The following TRRAP variants were observed in gnomAD, a reference collection of about 807,000 sequenced individuals.
TRRAP encodes transformation/transcription domain-associated protein.
TRRAP carries 41 observed loss-of-function variants against 438.8 expected under a neutral mutation model. That is an observed-to-expected ratio of 0.09 (90% CI 0.07 to 0.12). The LOEUF (loss-of-function observed/expected upper bound fraction) is 0.12, where lower values mean the gene tolerates loss of function less well. TRRAP is among the 10% of genes least tolerant of loss of function. TRRAP has a pLI of 1.00. For missense variants in TRRAP, 3,122 were observed against 5,055.1 expected (o/e 0.62, Z 11.60); for synonymous variants, 1,994 against 1,962.9 (o/e 1.02, Z -0.42).
rs758904403 is a variant in TRRAP at position 98,981,825 on chromosome 7, C to T, written c.8691C>T (p.Tyr2897=). ...MAWKVNMYRG[Y]LAICHPEEQQ... ...GGAAGGTGAACATGTACCGCGGATACCTGGCCATCTGCCACCCCGAGGAGC... is the reference window on the plus strand; with the variant it reads ...GGAAGGTGAACATGTACCGCGGATATCTGGCCATCTGCCACCCCGAGGAGC... The change falls in exon 59 of 73, where the codon TAC becomes TAT. Residue 2897 remains tyrosine, a synonymous_variant. Coordinates refer to ENST00000456197, the MANE Select transcript of TRRAP (RefSeq NM_001375524.1). 8 of 1,605,198 alleles carry T rather than the reference C, an allele frequency of 5.0e-6. 1 individual carries two copies. The Admixed American group carries it at 1.4e-4, about 27-fold the overall frequency.
rs545378246 is a variant in TRRAP at position 98,981,486 on chromosome 7, T to C, written c.8635-283T>C. Reference sequence around the variant, plus strand: ...GATCTGTCATAACAGCATTGATCAGTTTCTTTTCTTTGGAACAACTGATGA... The same window carrying C: ...GATCTGTCATAACAGCATTGATCAGCTTCTTTTCTTTGGAACAACTGATGA... On this transcript the variant is annotated intron_variant, in intron 58 of 72. Transcript: ENST00000456197. Among the ~76,000 whole-genome samples, 4 of 152,304 alleles carry C rather than the reference T, an allele frequency of 2.6e-5. No homozygotes were observed. The East Asian group carries it at 7.7e-4, about 29-fold the overall frequency.
Position 99,005,016 on chromosome 7 carries a change from G to T in TRRAP, c.10536-115G>T, listed in dbSNP as rs219837. The T allele has an allele frequency of 1.2e-5, 12 of 978,640 alleles. No homozygotes were observed. The highest frequency in any genetic ancestry group is 1.7e-5 in the Non-Finnish European group (11 of 639,788). The allele number at this position is 978,640 out of a possible 1,614,324, so 60.6% of individuals were successfully genotyped here. On this transcript the variant is annotated intron_variant, in intron 68 of 72. Transcript: ENST00000456197. This position sits in a 1 kb window ranked among gnomAD's most constrained non-coding sequence, Gnocchi z 5.1. Reference sequence around the variant, plus strand: ...GGTACAAATAAATTGATAAACGACCGCTGGCCTACACAGTCCGTTTTCCCG... The same window carrying T: ...GGTACAAATAAATTGATAAACGACCTCTGGCCTACACAGTCCGTTTTCCCG...
intron 7 of TRRAP, among the ~76,000 whole-genome samples, chr7:98,896,538 T>C (rs2116328767): frequency 6.6e-6 from 1 of 152,054 alleles, no homozygotes; most frequent in East Asian, 1.9e-4. Context: ...GCCTCCCAAG[T>C]AGCTGGGATT....
In TRRAP at chr7:98,960,562, A is replaced by G. The variant is rs116224004; in HGVS notation, c.6490-699A>G. Among the ~76,000 whole-genome samples the G allele has an allele frequency of 7.9e-3, 1,209 of 152,206 alleles. 19 individuals are homozygous for G. The highest frequency in any genetic ancestry group is 0.027 in the African/African-American group (1,134 of 41,510). On this transcript the variant is annotated intron_variant, in intron 45 of 72. Transcript: ENST00000456197. ...GATTCCATGATACATAGTTTGAAAGATGCTTGTCTTTGGAAGGATATTTGT... is the reference window on the plus strand; with the variant it reads ...GATTCCATGATACATAGTTTGAAAGGTGCTTGTCTTTGGAAGGATATTTGT...
chr7:98,895,631 T>C, intron 6 of TRRAP, 133 bp from the exon 7 acceptor site: 6 of 597,894 alleles, frequency 1.0e-5, no homozygotes, highest in Non-Finnish European at 1.6e-5. Context: ...CCTATTTGTA[T>C]CTTGAGCCCA....
At chr7:98,991,618 T>C (rs1379415791) in intron 64 of TRRAP, among the ~76,000 whole-genome samples, 1 of 152,246 alleles carries the variant, frequency 6.6e-6, no homozygotes, top group African/African-American at 2.4e-5. Context: ...AGTGACATGG[T>C]ACTGTCCTGT....
chr7:98,992,280 G>A (rs1046691620), intron 65 of TRRAP, 53 bp downstream of exon 65: 1 of 1,586,404 alleles, frequency 6.3e-7, no homozygotes, highest in South Asian at 1.1e-5. Flanking sequence ...CATTCCAGGG[G>A]GTGCCCCACA....
In TRRAP at chr7:98,976,336, G is replaced by T; in HGVS notation, c.7959+68G>T. 1 of 1,596,928 alleles carries T rather than the reference G, an allele frequency of 6.3e-7. No homozygotes were observed. The highest frequency in any genetic ancestry group is 8.5e-7 in the Non-Finnish European group (1 of 1,171,986). On this transcript the variant is annotated intron_variant, in intron 54 of 72. Coordinates refer to ENST00000456197, the MANE Select transcript of TRRAP (RefSeq NM_001375524.1). This position sits in a 1 kb window ranked among gnomAD's most constrained non-coding sequence, Gnocchi z 4.6. The stretch of plus-strand genomic sequence containing the variant: ...TAGCTTTTGGTAAGTATTCATAAAA[G>T]AACACAGTCTCGAACAAGTTTCAGA...
In TRRAP at chr7:98,945,932, T is replaced by C; in HGVS notation, c.4530T>C (p.Pro1510=). ...CPLSPFCQFE[P]AMEGVEEMKI... is the part of the protein sequence containing the mutation. ...CTGTAATTTTTGTTTTGGTTCAGCC[T>C]GCCATGGAAGGGGTAGAGGTGAGAA... Residue 1510 remains proline, a splice_region_variant and synonymous_variant, in exon 33 of 73, where the codon CCT becomes CCC. Transcript: ENST00000456197. 2 of 1,498,758 alleles carry C rather than the reference T, an allele frequency of 1.3e-6. No homozygotes were observed. The highest frequency in any genetic ancestry group is 1.8e-6 in the Non-Finnish European group (2 of 1,123,986). The allele number at this position is 1,498,758 out of a possible 1,614,324, so 92.8% of individuals were successfully genotyped here.
At chr7:98,989,185 G>T (rs1489019581) in intron 63 of TRRAP, among the ~76,000 whole-genome samples, 1 of 152,208 alleles carries the variant, frequency 6.6e-6, no homozygotes, top group Non-Finnish European at 1.5e-5. Context: ...CTTCCAAGTG[G>T]CAAAGCCTCA....
intron 48 of TRRAP, among the ~76,000 whole-genome samples, chr7:98,965,138 G>A (rs982519091): frequency 6.6e-6 from 1 of 152,248 alleles, no homozygotes; most frequent in Non-Finnish European, 1.5e-5. Context: ...GTGCATGCGT[G>A]TGCATGTGCA....
chr7:98,954,277 G>A (rs1287169620), intron 40 of TRRAP, among the ~76,000 whole-genome samples: 6 of 152,216 alleles, frequency 3.9e-5, no homozygotes, highest in South Asian at 2.1e-4. Context: ...CCGCTCACAC[G>A]GTCCATGCCC....
chr7:98,973,497 G>A (rs984249947), intron 53 of TRRAP, among the ~76,000 whole-genome samples: 3 of 152,208 alleles, frequency 2.0e-5, no homozygotes, highest in Non-Finnish European at 4.4e-5. Flanking sequence ...CAATATTTTT[G>A]TCTTGGCTCA....
intron 41 of TRRAP, 38 bp downstream of exon 41, chr7:98,955,342 T>C: frequency 6.4e-7 from 1 of 1,560,660 alleles, no homozygotes; most frequent in East Asian, 2.3e-5. Flanking sequence ...GGCGCGCGTC[T>C]TCAGGCATTC....
intron 22 of TRRAP, among the ~76,000 whole-genome samples, chr7:98,926,070 A>T (rs1790034601): frequency 1.3e-5 from 2 of 152,214 alleles, no homozygotes; most frequent in South Asian, 4.1e-4. Flanking sequence ...TTGCCCAAAA[A>T]CTTAGAGAGA....
chr7:98,911,369 A>C, intron 17 of TRRAP, 98 bp downstream of exon 17: 1 of 1,240,946 alleles, frequency 8.1e-7, no homozygotes, highest in Admixed American at 2.9e-5. Context: ...AAAATAATGT[A>C]GCCAAGGATG....
chr7:98,948,824 C>T lies in TRRAP; in HGVS notation c.4788+139C>T. 7.1e-7 allele frequency: 1 copy of T among 1,401,238 alleles called. No individual in the cohort carries two copies. The highest frequency in any genetic ancestry group is 9.6e-7 in the Non-Finnish European group (1 of 1,043,762). 86.8% of individuals were successfully genotyped at this position (1,401,238 alleles called of 1,614,324 possible). A position where few individuals can be genotyped will look rare whatever the true frequency, so the allele number is the denominator to read the frequency against. On this transcript the variant is annotated intron_variant, in intron 35 of 72. Transcript: ENST00000456197. This position sits in a 1 kb window ranked among gnomAD's most constrained non-coding sequence, Gnocchi z 4.9. ...AGATCCATTTGAATATTGGAAACAG[C>T]ATTGCTGTTTGGTTGTGTCTGTGAA...
intron 64 of TRRAP, among the ~76,000 whole-genome samples, chr7:98,991,671 TG>T (rs1793438932): frequency 6.6e-6 from 1 of 152,228 alleles, no homozygotes. Flanking sequence ...GTTTCTTAAC[TG>T]AAACGGACAT....
chr7:98,891,759 C>G (rs1459344294), intron 4 of TRRAP, among the ~76,000 whole-genome samples: 1 of 148,028 alleles, frequency 6.8e-6, no homozygotes, highest in Non-Finnish European at 1.5e-5. Context: ...AGGATGGTCT[C>G]GATCTCCTGA....
Sources: gnomAD v4.1 joint callset for allele counts (sites outside exome capture counted in the v4.1 genomes callset) on GRCh38, gnomAD v4.1.1 for gene constraint, Gnocchi (gnomAD v3.1) non-coding constraint, MANE v1.5 for transcripts, NCBI Gene and HGNC (gene_info 2026-07-23, HGNC 2026-07-21) for gene names.